The following SESN1 variants were observed in gnomAD, a reference collection of about 807,000 sequenced individuals.
SESN1 encodes the protein sestrin 1.
SESN1 carries 30 observed loss-of-function variants against 59.3 expected under a neutral mutation model. The observed-to-expected ratio is 0.51, with a 90% CI of 0.38 to 0.69. SESN1 has a LOEUF of 0.69. Ranked by LOEUF, SESN1 falls within the 30% of genes least tolerant of loss-of-function variation. The pLI is 0.00. For missense variants in SESN1, 566 were observed against 673.0 expected (o/e 0.84, Z 1.76); for synonymous variants, 197 against 219.9 (o/e 0.90, Z 0.92).
chr6:109,087,508 T>C (rs1445193415), intron 1 of SESN1, among the ~76,000 whole-genome samples: 1 of 152,160 alleles, frequency 6.6e-6, no homozygotes, highest in Non-Finnish European at 1.5e-5. Context: ...GCCACAAGGC[T>C]TTCTGAGGGA....
intron 1 of SESN1, among the ~76,000 whole-genome samples, chr6:109,044,789 C>T (rs1284000712): frequency 2.0e-5 from 3 of 152,084 alleles, no homozygotes; most frequent in South Asian, 2.1e-4. Context: ...TTTGGGAGGT[C>T]GAGGAGGGCA....
chr6:109,050,294 G>A lies in SESN1; in HGVS notation c.279+43501C>T, dbSNP rs973562703. Among the ~76,000 whole-genome samples, 6 of 151,408 alleles carry A rather than the reference G, an allele frequency of 4.0e-5. No homozygotes were observed. The East Asian group carries it at 5.8e-4, about 15-fold the overall frequency. ...GAAGGTGGCATCTGTCTGCAACAGC[G>A]CCATTAAGTAGCAGTCAAAACATTC... On this transcript the variant is annotated intron_variant, in intron 1 of 9. Coordinates refer to ENST00000436639, the MANE Select transcript of SESN1 (RefSeq NM_014454.3).
chr6:109,025,895 T>C (rs961679840), intron 1 of SESN1, among the ~76,000 whole-genome samples: 7 of 150,820 alleles, frequency 4.6e-5, no homozygotes, highest in Non-Finnish European at 8.8e-5. Context: ...ACAAAGGTAA[T>C]ATTCTAAGAC....
chr6:109,071,950 C>A (rs949057149), intron 1 of SESN1, among the ~76,000 whole-genome samples: 4 of 152,098 alleles, frequency 2.6e-5, no homozygotes, highest in African/African-American at 7.2e-5. Flanking sequence ...TGATAAAACA[C>A]GGGCTCTCTC....
chr6:108,996,507 C>CTTAAA (rs1266416194), intron 5 of SESN1, among the ~76,000 whole-genome samples: 12 of 152,042 alleles, frequency 7.9e-5, no homozygotes, highest in African/African-American at 2.7e-4. Context: ...TTTACCTATT[C>CTTAAA]TCCTCTTAAA....
chr6:109,003,618 T>C (rs1333701559), intron 1 of SESN1, among the ~76,000 whole-genome samples: 1 of 152,214 alleles, frequency 6.6e-6, no homozygotes, highest in Non-Finnish European at 1.5e-5. Context: ...CCCTGGTTAG[T>C]CCATCCTTAC....
intron 1 of SESN1, among the ~76,000 whole-genome samples, chr6:109,041,259 T>C (rs1166833629): frequency 6.6e-6 from 1 of 151,426 alleles, no homozygotes; most frequent in Admixed American, 6.6e-5. Context: ...CTGCAGTGAG[T>C]TGTGATTGTG....
At chr6:108,991,088 A>AC (rs1779372350) in intron 7 of SESN1, among the ~76,000 whole-genome samples, 1 of 152,102 alleles carries the variant, frequency 6.6e-6, no homozygotes, top group African/African-American at 2.4e-5. Flanking sequence ...ACAACAAAAA[A>AC]AAACTAATAG....
At chr6:109,077,156 T>C (rs1170115164) in intron 1 of SESN1, among the ~76,000 whole-genome samples, 1 of 152,212 alleles carries the variant, frequency 6.6e-6, no homozygotes, top group Admixed American at 6.5e-5. Context: ...ATGCAGTCTG[T>C]TGTTGACTGA....
intron 1 of SESN1, among the ~76,000 whole-genome samples, chr6:109,035,838 C>T (rs1780240933): frequency 6.6e-6 from 1 of 151,986 alleles, no homozygotes; most frequent in South Asian, 2.1e-4. Context: ...AAACTCCTGG[C>T]CTCAAGTGAT....
chr6:108,998,561 GC>G lies in SESN1; in HGVS notation c.923del (p.Gly308AlafsTer18). The G allele has an allele frequency of 6.2e-7, 1 of 1,613,856 alleles. No homozygotes were observed. The highest frequency in any genetic ancestry group is 8.5e-7 in the Non-Finnish European group (1 of 1,179,768). On this transcript the variant is annotated frameshift_variant, in exon 5 of 10. Coordinates refer to ENST00000436639, the MANE Select transcript of SESN1 (RefSeq NM_014454.3). LOFTEE classifies it high-confidence loss of function. ...SNYCICDITN[G>X]NHSVDEMPVN... ...CCGGCATCTCATCCACACTGTGATT[GC>G]CATTTGTAATGTCACAGATGCAGTA...
intron 1 of SESN1, among the ~76,000 whole-genome samples, chr6:109,048,064 CTG>C (rs1780481435): frequency 1.3e-5 from 2 of 148,942 alleles, no homozygotes; most frequent in Admixed American, 6.7e-5. Context: ...AAATCCCCCT[CTG>C]TGAGAAACAC....
intron 1 of SESN1, among the ~76,000 whole-genome samples, chr6:109,002,813 A>G (rs1779655114): frequency 6.6e-6 from 1 of 152,258 alleles, no homozygotes; most frequent in Admixed American, 6.5e-5. Context: ...TCACGGTTAG[A>G]ATGTAAATTT....
intron 1 of SESN1, among the ~76,000 whole-genome samples, chr6:109,029,679 G>A (rs2114390636): frequency 6.6e-6 from 1 of 152,200 alleles, no homozygotes; most frequent in South Asian, 2.1e-4. Flanking sequence ...TTTAACAGGT[G>A]CATGCCACCA....
chr6:109,027,476 CAAAAAAAAAAAAA>C (rs57225616), intron 1 of SESN1, among the ~76,000 whole-genome samples: 9 of 27,322 alleles, frequency 3.3e-4, no homozygotes, highest in African/African-American at 9.9e-4. Flanking sequence ...GACTCTGTCT[CAAAAAAAAAAAAA>C]AAAAAAAAAA....
chr6:109,049,384 AG>A (rs540797591), intron 1 of SESN1, among the ~76,000 whole-genome samples: 2 of 152,118 alleles, frequency 1.3e-5, no homozygotes, highest in African/African-American at 4.8e-5. Context: ...TGGGAAGAGT[AG>A]GGGGAAAGGG....
rs904434135 is a variant in SESN1 at position 108,998,540 on chromosome 6, C to T, written c.945G>A (p.Met315Ile). 3 of 1,613,820 alleles carry T rather than the reference C, an allele frequency of 1.9e-6. No individual in the cohort carries two copies. Among genetic ancestry groups the T allele is most frequent in the Non-Finnish European group, 2.5e-6 (3 of 1,179,754 alleles). The change falls in exon 5 of 10, where the codon ATG becomes ATA. Residue 315 changes from methionine (M) to isoleucine (I), a missense_variant. Physicochemically the swap from Met to Ile is conservative, Grantham distance 10. Coordinates refer to ENST00000436639, the MANE Select transcript of SESN1 (RefSeq NM_014454.3). Reference protein sequence around the residue: ...ITNGNHSVDEMPVNSAENVSV... With the variant: ...ITNGNHSVDEIPVNSAENVSV... ...AAACATTTTCTGCTGAGTTGACCGG[C>T]ATCTCATCCACACTGTGATTGCCAT...
intron 1 of SESN1, among the ~76,000 whole-genome samples, chr6:109,018,798 C>T (rs897669922): frequency 1.3e-5 from 2 of 152,184 alleles, no homozygotes; most frequent in South Asian, 4.1e-4. Flanking sequence ...TTATCTAAGT[C>T]TATAATTTCA....
chr6:108,995,368 A>G (rs905112466), intron 5 of SESN1, among the ~76,000 whole-genome samples: 7 of 152,216 alleles, frequency 4.6e-5, no homozygotes, highest in Non-Finnish European at 8.8e-5. Flanking sequence ...CTTTATTTCT[A>G]CAATTTACCA....
Sources: allele counts gnomAD v4.1 joint callset (sites outside exome capture counted in the v4.1 genomes callset), GRCh38; gene constraint gnomAD v4.1.1; transcripts MANE v1.5; gene names NCBI Gene and HGNC (gene_info 2026-07-23, HGNC 2026-07-21).